Variants in GNB4 observed in about 807,000 individuals in gnomAD.
GNB4 encodes the protein guanine nucleotide-binding protein subunit beta-4.
A neutral mutation model predicts 45.2 loss-of-function variants in GNB4; 28 were observed. That is an observed-to-expected ratio of 0.62 (90% CI 0.46 to 0.85). The LOEUF is 0.85. GNB4 is among the 40% of genes least tolerant of loss of function. The pLI is 0.00. For missense variants in GNB4, 321 were observed against 425.4 expected, an observed-to-expected ratio of 0.75 and a Z score of 2.16; for synonymous variants, 132 against 143.7, an observed-to-expected ratio of 0.92 and a Z score of 0.58.
chr3:179,444,526 TACTTAACTGCCTACC>T (rs1459420468), intron 1 of GNB4, among the ~76,000 whole-genome samples: 1 of 151,760 alleles, frequency 6.6e-6, no homozygotes, highest in Admixed American at 6.6e-5. Context: ...TTTCCTCAAG[TACTTAACTGCCTACC>T]ATGTTCCATT....
the GNB4 span, among the ~76,000 whole-genome samples, chr3:179,475,291 G>A: frequency 6.6e-6 from 1 of 151,594 alleles, no homozygotes; most frequent in East Asian, 2.0e-4. Flanking sequence ...CTAATTTTTT[G>A]TATTTTTATA....
At chr3:179,456,107 C>CTT (rs10603569), upstream of GNB4, among the ~76,000 whole-genome samples, 12 of 122,612 alleles carry the variant, frequency 9.8e-5, no homozygotes, top group African/African-American at 1.3e-4. Context: ...GGGACATAGA[C>CTT]TTTTTTTTTT....
In GNB4 at chr3:179,401,093, G is replaced by A. The variant is rs142236732; in HGVS notation, c.*120C>T. On this transcript the variant is annotated 3_prime_UTR_variant, in exon 10 of 10. Transcript: ENST00000232564. The stretch of plus-strand genomic sequence containing the variant: ...GGTAGTTTACTGAAAGCTTGTTTTT[G>A]TAGATAATCTAATAGAAAAATCTTC... The A allele has an allele frequency of 3.4e-6, 2 of 590,928 alleles. No homozygotes were observed. The highest frequency in any genetic ancestry group is 6.8e-5 in the East Asian group (2 of 29,386). 36.6% of individuals were successfully genotyped at this position (590,928 alleles called of 1,614,324 possible).
the GNB4 span, among the ~76,000 whole-genome samples, chr3:179,479,948 C>G: frequency 6.6e-6 from 1 of 152,098 alleles, no homozygotes; most frequent in African/African-American, 2.4e-5. Flanking sequence ...ATCCCTCTGC[C>G]CACGTGAATG....
chr3:179,473,017 G>A, the GNB4 span, among the ~76,000 whole-genome samples: 1 of 152,152 alleles, frequency 6.6e-6, no homozygotes, highest in Non-Finnish European at 1.5e-5. Flanking sequence ...CAAAAAGTTA[G>A]CCAGCCATGG....
rs771469568 is a variant in GNB4 at position 179,413,480 on chromosome 3, A to G, written c.631T>C (p.Trp211Arg). 1.2e-6 allele frequency: 2 copies of G among 1,614,156 alleles called. No homozygotes were observed. Among genetic ancestry groups the G allele is most frequent in the Non-Finnish European group, 1.7e-6 (2 of 1,179,998 alleles). Residue 211 changes from tryptophan to arginine, a missense_variant, in exon 8 of 10, where the codon TGG (tryptophan) becomes CGG (arginine). Transcript: ENST00000232564. ...SGACDASSKLWDIRDGMCRQS... is the reference protein window; with the variant it reads ...SGACDASSKLRDIRDGMCRQS... ...CTACACATTCCATCTCGAATATCCC[A>G]TAATTTGGAAGAGGCATCACAAGCA...
At position 179,413,617 on chromosome 3, in the gene GNB4, T is replaced by G; in HGVS notation, c.498-4A>C. ...AGTTTCGATGTCCCATAAAGCACTG[T>G]AATTAAAAACAAAATTTCATGACAA... On this transcript the variant is annotated splice_polypyrimidine_tract_variant and splice_region_variant and intron_variant, in intron 7 of 9. Transcript: ENST00000232564. 6.2e-7 allele frequency: 1 copy of G among 1,614,050 alleles called. No individual in the cohort carries two copies. The highest frequency in any genetic ancestry group is 8.5e-7 in the Non-Finnish European group (1 of 1,179,896).
the GNB4 span, among the ~76,000 whole-genome samples, chr3:179,488,998 AAAAAAAAAAAAAAAAAAAAAAAT>A: frequency 1.0e-3 from 31 of 30,424 alleles, 4 homozygotes; most frequent in East Asian, 0.047. Flanking sequence ...AAAAAAAAAA[AAAAAAAAAAAAAAAAAAAAAAAT>A]ATATATATAT....
intron 1 of GNB4, among the ~76,000 whole-genome samples, chr3:179,441,805 C>T (rs1479478459): frequency 6.6e-6 from 1 of 151,664 alleles, no homozygotes; most frequent in Admixed American, 6.6e-5. Context: ...AACTCACTGA[C>T]TGAAACATCA....
At chr3:179,407,717 A>AG (rs1714513313) in intron 8 of GNB4, among the ~76,000 whole-genome samples, 1 of 152,158 alleles carries the variant, frequency 6.6e-6, no homozygotes, top group Admixed American at 6.5e-5. Context: ...GACATCCTTT[A>AG]GGTAGTCAAC....
At chr3:179,412,315 A>AC (rs765984092) in intron 8 of GNB4, among the ~76,000 whole-genome samples, 10 of 74,198 alleles carry the variant, frequency 1.3e-4, no homozygotes, top group Admixed American at 6.8e-4. Context: ...AAAGATTAAA[A>AC]AAAACAAACA....
At chr3:179,468,597 CTT>C in the GNB4 span, among the ~76,000 whole-genome samples, 1 of 152,116 alleles carries the variant, frequency 6.6e-6, no homozygotes, top group Non-Finnish European at 1.5e-5. Flanking sequence ...AGCCTCCACT[CTT>C]TGGAATTCAG....
At chr3:179,476,660 G>T in the GNB4 span, among the ~76,000 whole-genome samples, 1 of 152,196 alleles carries the variant, frequency 6.6e-6, no homozygotes, top group African/African-American at 2.4e-5. Flanking sequence ...TCTGCAATGT[G>T]CTTTGAAACA....
the GNB4 span, among the ~76,000 whole-genome samples, chr3:179,504,011 C>T: frequency 1.1e-4 from 16 of 152,132 alleles, no homozygotes; most frequent in African/African-American, 3.9e-4. Context: ...TCGTTCCAAG[C>T]AGACTTTTTC....
intron 8 of GNB4, among the ~76,000 whole-genome samples, chr3:179,412,728 C>A (rs1163723821): frequency 6.6e-6 from 1 of 151,954 alleles, no homozygotes; most frequent in African/African-American, 2.4e-5. Flanking sequence ...TTTTTTCATC[C>A]TTATTGTTCT....
the GNB4 span, among the ~76,000 whole-genome samples, chr3:179,478,017 T>C: frequency 6.6e-6 from 1 of 152,200 alleles, no homozygotes; most frequent in Non-Finnish European, 1.5e-5. Context: ...ATATTTCTTA[T>C]AGTTCTGGGG....
chr3:179,515,203 CAGAT>C, the GNB4 span, among the ~76,000 whole-genome samples: 5 of 152,200 alleles, frequency 3.3e-5, no homozygotes, highest in African/African-American at 1.2e-4. Context: ...TACAATGTGT[CAGAT>C]AGTATTCTAA....
At chr3:179,437,436 G>A (rs1715482314) in intron 1 of GNB4, among the ~76,000 whole-genome samples, 1 of 151,950 alleles carries the variant, frequency 6.6e-6, no homozygotes, top group Non-Finnish European at 1.5e-5. Flanking sequence ...ATGGTGGTGT[G>A]AGCCTGTAGT....
intron 1 of GNB4, among the ~76,000 whole-genome samples, chr3:179,431,619 C>T (rs1016849487): frequency 1.3e-5 from 2 of 150,966 alleles, no homozygotes; most frequent in Admixed American, 1.3e-4. Flanking sequence ...CTGTTTACTT[C>T]TTATGGTACT....
Sources: allele counts gnomAD v4.1 joint callset (sites outside exome capture counted in the v4.1 genomes callset), GRCh38; gene constraint gnomAD v4.1.1; transcripts MANE v1.5; gene names NCBI Gene and HGNC (gene_info 2026-07-23, HGNC 2026-07-21).